THOC7: variants seen among roughly 807,000 people sequenced by gnomAD.
The protein encoded by THOC7 is NIF3L1-binding protein 1.
In THOC7, 22 loss-of-function variants were observed where a neutral mutation model predicts 33.1. That is an observed-to-expected ratio of 0.66 (90% CI 0.47 to 0.95). The LOEUF is 0.95. THOC7 is among the 40% of genes least tolerant of loss of function. The probability of loss-of-function intolerance (pLI) is 0.00; values close to 1 mark genes in which losing one functional copy is unlikely to be tolerated. For synonymous variants in THOC7, 77 were observed against 76.8 expected, an observed-to-expected ratio of 1.00 and a Z score of -0.01; for missense variants, 184 against 245.3, an observed-to-expected ratio of 0.75 and a Z score of 1.67.
intron 1 of THOC7, chr3:63,863,049 C>G (rs553181127): frequency 1.3e-5 from 2 of 152,482 alleles, no homozygotes; most frequent in Non-Finnish European, 2.9e-5. Flanking sequence ...CTCCTCCTTA[C>G]CCCCGTAAAT....
At chr3:63,852,705 T>C (rs768909819) in intron 1 of THOC7, among the ~76,000 whole-genome samples, 23 of 152,104 alleles carry the variant, frequency 1.5e-4, no homozygotes, top group Non-Finnish European at 2.8e-4. Flanking sequence ...AAACTGGGAG[T>C]TGCTAAAGAT....
At chr3:63,862,441 C>T (rs1339459382) in intron 1 of THOC7, among the ~76,000 whole-genome samples, 1 of 152,156 alleles carries the variant, frequency 6.6e-6, no homozygotes, top group East Asian at 1.9e-4. Flanking sequence ...GTTTCTTTCC[C>T]TTCAGACCAA....
At chr3:63,844,941 G>A in intron 1 of THOC7, 1 of 587,970 alleles carries the variant, frequency 1.7e-6, no homozygotes, top group Non-Finnish European at 3.1e-6. Flanking sequence ...AAATGTGGAA[G>A]CGGCAAGTGT....
intron 1 of THOC7, among the ~76,000 whole-genome samples, chr3:63,853,752 C>T (rs1158167437): frequency 6.6e-6 from 1 of 151,980 alleles, no homozygotes; most frequent in East Asian, 1.9e-4. Context: ...ACTGAAAATA[C>T]AAAAAATTAG....
intron 2 of THOC7, among the ~76,000 whole-genome samples, chr3:63,839,195 A>G (rs1220262387): frequency 6.6e-6 from 1 of 152,178 alleles, no homozygotes; most frequent in Non-Finnish European, 1.5e-5. Flanking sequence ...GTCTCACAAA[A>G]AAAAAGATTA....
chr3:63,859,882 G>A (rs1189766814), intron 1 of THOC7, among the ~76,000 whole-genome samples: 1 of 152,176 alleles, frequency 6.6e-6, no homozygotes, highest in Non-Finnish European at 1.5e-5. Context: ...TTCCTCTATG[G>A]TCTAGATATT....
intron 1 of THOC7, chr3:63,861,763 A>G (rs1336112401): frequency 1.3e-5 from 2 of 151,436 alleles, no homozygotes; most frequent in Non-Finnish European, 2.9e-5. Flanking sequence ...CATTCTGCAC[A>G]TAACAGAGAC....
chr3:63,846,420 T>G (rs944588508), intron 1 of THOC7, among the ~76,000 whole-genome samples: 2 of 152,154 alleles, frequency 1.3e-5, no homozygotes, highest in Non-Finnish European at 2.9e-5. Flanking sequence ...AATTTTTATT[T>G]TTTTTAGACG....
intron 4 of THOC7, among the ~76,000 whole-genome samples, chr3:63,837,523 C>T (rs1701659770): frequency 6.6e-6 from 1 of 151,940 alleles, no homozygotes; most frequent in Non-Finnish European, 1.5e-5. Context: ...GAAATGTTTG[C>T]TTGCTTTGTA....
chr3:63,847,813 G>T (rs1701931930), intron 1 of THOC7, among the ~76,000 whole-genome samples: 1 of 152,150 alleles, frequency 6.6e-6, no homozygotes, highest in South Asian at 2.1e-4. Flanking sequence ...AAAGTTTAAT[G>T]AAGAAACTGT....
chr3:63,845,020 CAG>C (rs1381712364), intron 1 of THOC7: 2 of 697,002 alleles, frequency 2.9e-6, no homozygotes, highest in East Asian at 5.4e-5. Context: ...TGTCTCTTGA[CAG>C]ATGACCACAA....
chr3:63,849,387 C>CA (rs1162995707), intron 1 of THOC7, among the ~76,000 whole-genome samples: 8 of 151,780 alleles, frequency 5.3e-5, no homozygotes, highest in South Asian at 2.1e-4. Flanking sequence ...GACACCATCT[C>CA]AAAAAAACAA....
At chr3:63,859,599 A>T (rs898762004) in intron 1 of THOC7, among the ~76,000 whole-genome samples, 3 of 152,226 alleles carry the variant, frequency 2.0e-5, no homozygotes, top group African/African-American at 7.2e-5. Flanking sequence ...CATCAAGTTC[A>T]TTCTCAGAAC....
intron 1 of THOC7, chr3:63,846,301 G>T: frequency 2.6e-6 from 1 of 386,170 alleles, no homozygotes; most frequent in Admixed American, 3.2e-5. Context: ...TGCACTCCCT[G>T]GACAAAAATG....
At chr3:63,858,058 T>C (rs1702144359) in intron 1 of THOC7, among the ~76,000 whole-genome samples, 1 of 152,182 alleles carries the variant, frequency 6.6e-6, no homozygotes, top group Non-Finnish European at 1.5e-5. Context: ...CACAAATGTC[T>C]AATTAACATT....
intron 1 of THOC7, among the ~76,000 whole-genome samples, chr3:63,847,578 A>G (rs919269815): frequency 2.6e-5 from 4 of 152,146 alleles, no homozygotes; most frequent in Non-Finnish European, 4.4e-5. Context: ...TTCTACCAAA[A>G]ATACAAAAAT....
intron 1 of THOC7, among the ~76,000 whole-genome samples, chr3:63,856,395 G>A (rs1702115966): frequency 6.6e-6 from 1 of 152,114 alleles, no homozygotes; most frequent in African/African-American, 2.4e-5. Flanking sequence ...AACTAAAAGA[G>A]CATAACTAGA....
At chr3:63,863,508 T>G (rs1702289098) in intron 1 of THOC7, 4 of 1,185,384 alleles carry the variant, frequency 3.4e-6, no homozygotes, top group Non-Finnish European at 4.2e-6. Context: ...GCACACCCTA[T>G]AGCCCCGCGC....
intron 2 of THOC7, among the ~76,000 whole-genome samples, chr3:63,839,285 C>T (rs1259373362): frequency 6.6e-6 from 1 of 152,114 alleles, no homozygotes; most frequent in African/African-American, 2.4e-5. Flanking sequence ...AAGTTAATGG[C>T]AGAAATCACG....
Sources: gnomAD v4.1 joint callset for allele counts (sites outside exome capture counted in the v4.1 genomes callset) on GRCh38, gnomAD v4.1.1 for gene constraint, MANE v1.5 for transcripts, NCBI Gene and HGNC (gene_info 2026-07-23, HGNC 2026-07-21) for gene names.